Variants in POC1B observed in about 807,000 individuals in gnomAD.
The protein encoded by POC1B is POC1 centriolar protein B, also known as POC1 centriolar protein homolog B.
Under a neutral mutation model 60.6 loss-of-function variants are expected in POC1B, and 44 were observed. That is an observed-to-expected ratio of 0.73 (90% confidence interval 0.57 to 0.93). The LOEUF (loss-of-function observed/expected upper bound fraction) is 0.93, where lower values mean the gene tolerates loss of function less well. Ranked by LOEUF, POC1B falls within the 40% of genes least tolerant of loss-of-function variation. POC1B has a pLI of 0.00. For synonymous variants in POC1B, 180 were observed against 198.9 expected, an observed-to-expected ratio of 0.90 and a Z score of 0.80; for missense variants, 555 against 572.3, an observed-to-expected ratio of 0.97 and a Z score of 0.31.
intron 10 of POC1B, among the ~76,000 whole-genome samples, chr12:89,433,807 C>T (rs149879477): frequency 8.5e-5 from 13 of 152,282 alleles, no homozygotes; most frequent in African/African-American, 3.1e-4. Flanking sequence ...AGAAGTGACT[C>T]AGAGTTTTGC....
intron 2 of POC1B, chr12:89,500,475 A>C: frequency 1.3e-6 from 2 of 1,584,526 alleles, no homozygotes; most frequent in Non-Finnish European, 1.7e-6. Flanking sequence ...GTTAGTTCCA[A>C]AAATACACCT....
chr12:89,509,877 A>C (rs61378614), intron 2 of POC1B, among the ~76,000 whole-genome samples: 25,424 of 152,046 alleles, frequency 0.17, 2,430 homozygotes, highest in East Asian at 0.44. Context: ...ACAGAGTCTC[A>C]CTCTGTTGCC....
rs966932558 is a variant in POC1B, at chr12:89,419,794, C to T, written c.*1359G>A. The T allele has an allele frequency of 6.6e-6, 1 of 152,204 alleles. No homozygotes were observed. The highest frequency in any genetic ancestry group is 2.4e-5 in the African/African-American group (1 of 41,446). The allele number at this position is 152,204 out of a possible 1,614,324, so 9.4% of individuals were successfully genotyped here. The stretch of plus-strand genomic sequence containing the variant: ...AATTGATAGGACATTTCATTTCTTA[C>T]TTAGTCTTCTCAATGGGGTTATAAA... On this transcript the variant is annotated 3_prime_UTR_variant, in exon 12 of 12. Transcript: ENST00000313546.
chr12:89,456,006 T>TG (rs367937136), intron 10 of POC1B, among the ~76,000 whole-genome samples: 3 of 148,316 alleles, frequency 2.0e-5, no homozygotes, highest in South Asian at 2.2e-4. Context: ...AAAACTCTTT[T>TG]TTGTTGTTGT....
At position 89,471,653 on chromosome 12, in the gene POC1B, A is replaced by C; in HGVS notation, c.637T>G (p.Trp213Gly). Residue 213 changes from tryptophan to glycine, a missense_variant, in exon 6 of 12, where the codon TGG (tryptophan) becomes GGG (glycine). Transcript: ENST00000313546. ...AGTAATTTGTTCACTCTTACATCCCAGACTTTCACAGTTTGATCAGAACCT... is the reference window on the plus strand; with the variant it reads ...AGTAATTTGTTCACTCTTACATCCCCGACTTTCACAGTTTGATCAGAACCT... Reference protein sequence around the residue: ...SAGSDQTVKVWDVRVNKLLQH... With the variant: ...SAGSDQTVKVGDVRVNKLLQH... The C allele has an allele frequency of 6.2e-7, 1 of 1,611,958 alleles. No homozygotes were observed. The highest frequency in any genetic ancestry group is 1.1e-5 in the South Asian group (1 of 90,786).
At position 89,500,971 on chromosome 12, in the gene POC1B, CG is replaced by C. The variant is rs2135747053; in HGVS notation, c.101-3630del. ...CATGGAGGAATTGTTCCACCTCATT[CG>C]TGTCCTCCCGATGATATGAAGTTGA... is the stretch of plus-strand genomic sequence containing the variant. On this transcript the variant is annotated intron_variant, in intron 2 of 11. Transcript: ENST00000313546. The C allele has an allele frequency of 5.6e-6, 5 of 889,450 alleles. No individual in the cohort carries two copies. The South Asian group carries it at 5.9e-5, about 10-fold the overall frequency. The allele number at this position is 889,450 out of a possible 1,614,324, so 55.1% of individuals were successfully genotyped here.
At chr12:89,430,822 T>C (rs909347813) in intron 10 of POC1B, among the ~76,000 whole-genome samples, 1 of 152,140 alleles carries the variant, frequency 6.6e-6, no homozygotes, top group Non-Finnish European at 1.5e-5. Flanking sequence ...AAGCTCCACA[T>C]TGGTTGAACT....
chr12:89,434,664 C>CA (rs1184603967), intron 10 of POC1B, among the ~76,000 whole-genome samples: 1 of 152,160 alleles, frequency 6.6e-6, no homozygotes, highest in African/African-American at 2.4e-5. Context: ...AAATTTCCTG[C>CA]AAACTCAAAA....
At chr12:89,426,378 A>C (rs544191384) in intron 10 of POC1B, 2 of 152,358 alleles carry the variant, frequency 1.3e-5, no homozygotes, top group South Asian at 4.1e-4. Flanking sequence ...ATACTTAAGA[A>C]TGGTTAAAAT....
At chr12:89,410,446 A>T in the POC1B span, among the ~76,000 whole-genome samples, 1 of 152,068 alleles carries the variant, frequency 6.6e-6, no homozygotes. Flanking sequence ...TTGGGAGGCC[A>T]AGGCAGGCAG....
intron 3 of POC1B, among the ~76,000 whole-genome samples, chr12:89,492,816 T>C (rs1469724985): frequency 6.6e-6 from 1 of 152,100 alleles, no homozygotes; most frequent in East Asian, 1.9e-4. Context: ...ACTTCCTAAA[T>C]ATCTTCTGAA....
intron 10 of POC1B, among the ~76,000 whole-genome samples, chr12:89,437,438 C>T (rs1005487866): frequency 6.6e-6 from 1 of 152,146 alleles, no homozygotes; most frequent in Admixed American, 6.6e-5. Context: ...TGAATTCACT[C>T]CCCTCTCAGG....
At position 89,421,264 on chromosome 12, in the gene POC1B, A is replaced by G. The variant is rs761771315; in HGVS notation, c.1333-7T>C. On this transcript the variant is annotated splice_region_variant and splice_polypyrimidine_tract_variant and intron_variant, in intron 11 of 11. Coordinates refer to ENST00000313546, the MANE Select transcript of POC1B (RefSeq NM_172240.3). ...GCTCCAAGATTGAAACAGTCTGCAA[A>G]AAGGAGGATAAAATAATCAATGCCT... The G allele has an allele frequency of 1.1e-5, 17 of 1,577,048 alleles. No individual in the cohort carries two copies. The highest frequency in any genetic ancestry group is 1.5e-5 in the Non-Finnish European group (17 of 1,152,034).
intron 2 of POC1B, chr12:89,524,503 G>A (rs766281015): frequency 1.2e-6 from 2 of 1,612,528 alleles, no homozygotes; most frequent in South Asian, 1.1e-5. Flanking sequence ...TGTTAAAAAC[G>A]CCAGCAGCAG....
At chr12:89,407,492 C>T in the POC1B span, among the ~76,000 whole-genome samples, 1 of 152,254 alleles carries the variant, frequency 6.6e-6, no homozygotes, top group Admixed American at 6.5e-5. Context: ...TGGGCCTCAG[C>T]CTCCCAAAGT....
chr12:89,516,443 T>C (rs10745503), intron 2 of POC1B, among the ~76,000 whole-genome samples: 109,112 of 152,124 alleles, frequency 0.72, 39,250 homozygotes, highest in Middle Eastern at 0.82. Context: ...ACCATTATCC[T>C]AGTTTGAACC....
At chr12:89,447,719 A>C (rs1347809652) in intron 10 of POC1B, among the ~76,000 whole-genome samples, 3 of 152,044 alleles carry the variant, frequency 2.0e-5, no homozygotes, top group Non-Finnish European at 2.9e-5. Context: ...ATTTAAAATA[A>C]ATTTATTTTA....
intron 10 of POC1B, among the ~76,000 whole-genome samples, chr12:89,453,903 G>C (rs1882155741): frequency 6.6e-6 from 1 of 152,130 alleles, no homozygotes; most frequent in African/African-American, 2.4e-5. Flanking sequence ...TTTTCAGATA[G>C]TATACACCAT....
At chr12:89,436,000 A>C (rs1355499844) in intron 10 of POC1B, among the ~76,000 whole-genome samples, 1 of 150,218 alleles carries the variant, frequency 6.7e-6, no homozygotes, top group East Asian at 2.0e-4. Context: ...GCTGGAATGT[A>C]GTGGCACGAT....
Sources: gnomAD v4.1 joint callset for allele counts (sites outside exome capture counted in the v4.1 genomes callset) on GRCh38, gnomAD v4.1.1 for gene constraint, MANE v1.5 for transcripts, NCBI Gene and HGNC (gene_info 2026-07-23, HGNC 2026-07-21) for gene names.